MAD2L1: variants seen among roughly 807,000 people sequenced by gnomAD.
MAD2L1 encodes the protein mitotic arrest deficient 2 like 1.
MAD2L1 carries 10 observed loss-of-function variants against 25.9 expected under a neutral mutation model. The ratio of observed to expected loss-of-function variants is 0.39; its 90% confidence interval spans 0.24 to 0.66. MAD2L1 has a LOEUF of 0.66. Among genes scored for constraint, MAD2L1 ranks in the 30% least tolerant of loss-of-function variants. The probability of loss-of-function intolerance (pLI) is 0.49; values close to 1 mark genes in which losing one functional copy is unlikely to be tolerated. For missense variants in MAD2L1, 180 were observed against 246.4 expected (o/e 0.73, Z 1.80); for synonymous variants, 81 against 91.8 (o/e 0.88, Z 0.67).
At position 120,056,029 on chromosome 4, in the gene MAD2L1, G is replaced by T. The variant is rs376560367; in HGVS notation, c.*4089C>A. 2.0e-5 allele frequency: 3 copies of T among 152,204 alleles called. No individual in the cohort carries two copies. The highest frequency in any genetic ancestry group is 7.2e-5 in the African/African-American group (3 of 41,450). 9.4% of individuals were successfully genotyped at this position (152,204 alleles called of 1,614,324 possible). ...CACTTTATTGCTAAAAGGATGTAAA[G>T]GGTAAGAGGAAAAAGGTGACGAAAC... On this transcript the variant is annotated 3_prime_UTR_variant, in exon 5 of 5. Transcript: ENST00000296509.
intron 2 of MAD2L1, among the ~76,000 whole-genome samples, chr4:120,062,807 G>C (rs1361871314): frequency 6.6e-6 from 1 of 152,176 alleles, no homozygotes; most frequent in Admixed American, 6.5e-5. Context: ...GCCGTGATAC[G>C]GAAAGTGGAC....
chr4:120,060,258 C>G lies in MAD2L1; in HGVS notation c.478G>C (p.Asp160His), dbSNP rs775149389. 3.7e-6 allele frequency: 6 copies of G among 1,612,882 alleles called. No homozygotes were observed. The South Asian group carries it at 6.6e-5, about 18-fold the overall frequency. Residue 160 changes from aspartate to histidine, a missense_variant, in exon 5 of 5, where the codon GAT becomes CAT. Physicochemically the swap from Asp to His is moderately conservative, Grantham distance 81. Coordinates refer to ENST00000296509, the MANE Select transcript of MAD2L1 (RefSeq NM_002358.4). ...SFDLLIYTDK[D>H]LVVPEKWEES... is the part of the protein sequence containing the mutation. ...TCCCATTTTTCAGGTACAACCAAAT[C>G]TTTGTCTGTATAAATCAGCAGATCA...
intron 2 of MAD2L1, 57 bp downstream of exon 2, chr4:120,065,615 C>T: frequency 1.9e-6 from 3 of 1,553,818 alleles, no homozygotes; most frequent in Non-Finnish European, 2.6e-6. Context: ...GGAAAAATGA[C>T]TGCTTAAGAT....
Position 120,056,401 on chromosome 4 carries a change from AAAAG to A in MAD2L1, c.*3713_*3716del, listed in dbSNP as rs1726110984. On this transcript the variant is annotated 3_prime_UTR_variant, in exon 5 of 5. Coordinates refer to ENST00000296509, the MANE Select transcript of MAD2L1 (RefSeq NM_002358.4). ...CAATAAGCTTACAGCCTTTAGAACC[AAAAG>A]AAAGTCATCTTAATTTGAATATTAC... The A allele has an allele frequency of 8.5e-5, 13 of 152,338 alleles. No homozygotes were observed. In the South Asian group the frequency reaches 2.5e-3, roughly 29 times the overall value. The allele number at this position is 152,338 out of a possible 1,614,324, so 9.4% of individuals were successfully genotyped here.
chr4:120,066,685 G>A lies in MAD2L1; in HGVS notation c.50C>T (p.Ala17Val), dbSNP rs1726327565. ...REQGITLRGS[A>V]EIVAEFFSFG... ...ACAGAAGAACTCGGCCACGATTTCG[G>A]CGCTCCCGCGCAGGGTGATTCCCTG... Residue 17 changes from alanine to valine, a missense_variant, in exon 1 of 5, where the codon GCC (alanine) becomes GTC (valine). Ala to Val is a moderately conservative substitution (Grantham distance 64). Transcript: ENST00000296509. 6.2e-7 allele frequency: 1 copy of A among 1,603,688 alleles called. No homozygotes were observed. The highest frequency in any genetic ancestry group is 1.7e-5 in the Admixed American group (1 of 59,082).
chr4:120,066,201 C>A lies in MAD2L1; in HGVS notation c.74-383G>T, dbSNP rs554122270. On this transcript the variant is annotated intron_variant, in intron 1 of 4. Transcript: ENST00000296509. The stretch of plus-strand genomic sequence containing the variant: ...TGCTCCAGACAAGCCTTTATCTTCC[C>A]CTTTCCCTCCCAAATCCTGCCAGGT... Among the ~76,000 whole-genome samples, 24 of 152,270 alleles carry A rather than the reference C, an allele frequency of 1.6e-4. No individual in the cohort carries two copies. In the South Asian group the frequency reaches 5.0e-3, roughly 32 times the overall value.
At chr4:120,060,432 C>T in intron 4 of MAD2L1, 142 bp from the exon 5 acceptor site, 1 of 577,132 alleles carries the variant, frequency 1.7e-6, no homozygotes, top group Non-Finnish European at 2.9e-6. Flanking sequence ...TTATTTTGCT[C>T]AATGAACATT....
In MAD2L1 at chr4:120,066,746, C is replaced by A. The variant is rs372801671; in HGVS notation, c.-12G>T. The A allele has an allele frequency of 2.5e-6, 4 of 1,587,274 alleles. No homozygotes were observed. The highest frequency in any genetic ancestry group is 3.4e-6 in the Non-Finnish European group (4 of 1,160,142). On this transcript the variant is annotated 5_prime_UTR_variant, in exon 1 of 5. Transcript: ENST00000296509. The stretch of plus-strand genomic sequence containing the variant: ...AGCTGCAGCGCCATGGCCAGGGACA[C>A]AAACAAAAGCACGCGCTTCCACTCC...
chr4:120,060,852 C>T (rs745731745), intron 4 of MAD2L1, 22 bp downstream of exon 4: 3 of 1,481,300 alleles, frequency 2.0e-6, no homozygotes, highest in Admixed American at 1.8e-5. Context: ...TTTAATTCAA[C>T]AAGAAGTTGT....
chr4:120,062,796 A>C (rs903047605), intron 2 of MAD2L1, among the ~76,000 whole-genome samples: 1 of 152,210 alleles, frequency 6.6e-6, no homozygotes, highest in African/African-American at 2.4e-5. Context: ...CTATCATTCT[A>C]GCCGTGATAC....
At chr4:120,060,688 T>C (rs1726198125) in intron 4 of MAD2L1, among the ~76,000 whole-genome samples, 186 bp downstream of exon 4, 1 of 152,186 alleles carries the variant, frequency 6.6e-6, no homozygotes, top group African/African-American at 2.4e-5. Context: ...TTTCAGGTAT[T>C]CACTGTGGGT....
At chr4:120,060,339 A>T in intron 4 of MAD2L1, 49 bp from the exon 5 acceptor site, 1 of 1,436,278 alleles carries the variant, frequency 7.0e-7, no homozygotes, top group South Asian at 1.4e-5. Flanking sequence ...TAAAAGTAAA[A>T]CTAATCTTGC....
chr4:120,063,935 T>C lies in MAD2L1; in HGVS notation c.220+1737A>G, dbSNP rs147095187. Among the ~76,000 whole-genome samples, 693 of 152,220 alleles carry C rather than the reference T, an allele frequency of 4.6e-3. 5 individuals are homozygous for C. Among genetic ancestry groups the C allele is most frequent in the African/African-American group, 0.015 (644 of 41,550 alleles). ...TGTGGTGTGGGGGCAGAGGTTGCAG[T>C]GAGCGGAGATCACGCCACTGCACTC... On this transcript the variant is annotated intron_variant, in intron 2 of 4. Transcript: ENST00000296509.
At position 120,056,509 on chromosome 4, in the gene MAD2L1, T is replaced by A. The variant is rs1384995303; in HGVS notation, c.*3609A>T. On this transcript the variant is annotated 3_prime_UTR_variant, in exon 5 of 5. Coordinates refer to ENST00000296509, the MANE Select transcript of MAD2L1 (RefSeq NM_002358.4). Reference sequence around the variant, plus strand: ...GCTATTCTGATCTTTCATGTAAATTTTAGATAAATTTTACATACTAAATGA... The same window carrying A: ...GCTATTCTGATCTTTCATGTAAATTATAGATAAATTTTACATACTAAATGA... 6.6e-6 allele frequency: 1 copy of A among 152,184 alleles called. No homozygotes were observed. Among genetic ancestry groups the A allele is most frequent in the Non-Finnish European group, 1.5e-5 (1 of 68,032 alleles). The allele number at this position is 152,184 out of a possible 1,614,324, so 9.4% of individuals were successfully genotyped here. A position where few individuals can be genotyped will look rare whatever the true frequency, so the allele number is the denominator to read the frequency against.
At chr4:120,066,609 T>C (rs1578461870) in intron 1 of MAD2L1, 53 bp downstream of exon 1, 2 of 1,517,706 alleles carry the variant, frequency 1.3e-6, no homozygotes, top group Non-Finnish European at 1.8e-6. Flanking sequence ...GTGGGCCTAC[T>C]GAGCCGTCAC....
At chr4:120,062,493 G>A (rs1486398984) in intron 2 of MAD2L1, among the ~76,000 whole-genome samples, 12 of 152,176 alleles carry the variant, frequency 7.9e-5, no homozygotes, top group Admixed American at 7.9e-4. Context: ...GTCAGAAAAG[G>A]TCTGAGTTTA....
At chr4:120,063,287 A>G (rs566931859) in intron 2 of MAD2L1, among the ~76,000 whole-genome samples, 11 of 152,284 alleles carry the variant, frequency 7.2e-5, no homozygotes, top group African/African-American at 2.6e-4. Context: ...TAAACACAGA[A>G]CGGGGGCTCA....
chr4:120,056,779 A>G lies in MAD2L1; in HGVS notation c.*3339T>C, dbSNP rs1258632882. 1 of 152,182 alleles carries G rather than the reference A, an allele frequency of 6.6e-6. No individual in the cohort carries two copies. The highest frequency in any genetic ancestry group is 2.1e-4 in the South Asian group (1 of 4,832). The allele number at this position is 152,182 out of a possible 1,614,324, so 9.4% of individuals were successfully genotyped here. On this transcript the variant is annotated 3_prime_UTR_variant, in exon 5 of 5. Coordinates refer to ENST00000296509, the MANE Select transcript of MAD2L1 (RefSeq NM_002358.4). ...GAGCCCATACCTCTCTTTTTATGGC[A>G]TCACATGCCAAAGAACCTCCCTTAA...
chr4:120,061,595 A>C (rs1207090374), intron 3 of MAD2L1, among the ~76,000 whole-genome samples: 1 of 152,124 alleles, frequency 6.6e-6, no homozygotes, highest in African/African-American at 2.4e-5. Context: ...GCATTAAAGG[A>C]AGTACAGCAG....
Sources: allele counts gnomAD v4.1 joint callset (sites outside exome capture counted in the v4.1 genomes callset), GRCh38; gene constraint gnomAD v4.1.1; transcripts MANE v1.5; gene names NCBI Gene and HGNC (gene_info 2026-07-23, HGNC 2026-07-21).